ADGRF5: variants seen among roughly 807,000 people sequenced by gnomAD.
ADGRF5 encodes the protein adhesion G protein-coupled receptor F5.
Under a neutral mutation model 132.3 loss-of-function variants are expected in ADGRF5, and 75 were observed. The observed-to-expected ratio is 0.57, with a 90% CI of 0.47 to 0.69. The LOEUF (loss-of-function observed/expected upper bound fraction) is 0.69, where lower values mean the gene tolerates loss of function less well. ADGRF5 is among the 30% of genes least tolerant of loss of function. ADGRF5 has a pLI of 0.00. For missense variants in ADGRF5, 1,516 were observed against 1,630.6 expected, an observed-to-expected ratio of 0.93 and a Z score of 1.21; for synonymous variants, 629 against 597.6, an observed-to-expected ratio of 1.05 and a Z score of -0.77.
intron 13 of ADGRF5, 89 bp from the exon 14 acceptor site, chr6:46,865,286 G>T: frequency 1.1e-6 from 1 of 887,074 alleles, no homozygotes; most frequent in Non-Finnish European, 1.8e-6. Context: ...GAATAAACCT[G>T]TCCAAGCTTT....
At position 46,896,549 on chromosome 6, in the gene ADGRF5, T is replaced by C. The variant is rs76861291; in HGVS notation, c.157+3480A>G. Reference sequence around the variant, plus strand: ...CTTTGTTTAAATTTCTTTAAAAAACTATTAAAAGAAAAATAAACACCAGAT... The same window carrying C: ...CTTTGTTTAAATTTCTTTAAAAAACCATTAAAAGAAAAATAAACACCAGAT... On this transcript the variant is annotated intron_variant, in intron 3 of 20. Transcript: ENST00000283296. 4.5e-3 allele frequency among the ~76,000 whole-genome samples: 688 copies of C among 152,228 alleles called. 9 individuals carry two copies. Among genetic ancestry groups the C allele is most frequent in the African/African-American group, 0.016 (661 of 41,540 alleles).
At chr6:46,866,165 A>T (rs569606730) in intron 13 of ADGRF5, among the ~76,000 whole-genome samples, 4 of 152,160 alleles carry the variant, frequency 2.6e-5, no homozygotes, top group African/African-American at 9.6e-5. Context: ...TTAGGTTGGC[A>T]CTCCTGAACC....
At chr6:46,856,800 T>A in intron 18 of ADGRF5, 23 bp from the exon 19 acceptor site, 1 of 1,598,492 alleles carries the variant, frequency 6.3e-7, no homozygotes, top group Non-Finnish European at 8.6e-7. Flanking sequence ...AAAGAAGCTA[T>A]CGTAACTTCA....
At chr6:46,875,036 A>G (rs906229868) in intron 10 of ADGRF5, among the ~76,000 whole-genome samples, 5 of 152,250 alleles carry the variant, frequency 3.3e-5, no homozygotes, top group African/African-American at 1.2e-4. Context: ...TTAGACAGCC[A>G]TGCAAGATTC....
At chr6:46,865,220 A>G (rs1429449708) in intron 13 of ADGRF5, 23 bp from the exon 14 acceptor site, 1 of 1,577,342 alleles carries the variant, frequency 6.3e-7, no homozygotes, top group East Asian at 2.2e-5. Context: ...TTATTGAAAG[A>G]ATTAAGTCAC....
intron 1 of ADGRF5, among the ~76,000 whole-genome samples, chr6:46,927,741 C>A (rs1276142700): frequency 6.6e-6 from 1 of 152,124 alleles, no homozygotes; most frequent in Non-Finnish European, 1.5e-5. Context: ...CCATCCACAA[C>A]CCCCAAGTCC....
At chr6:46,929,498 T>TA (rs1554128364) in intron 1 of ADGRF5, among the ~76,000 whole-genome samples, 10 of 135,196 alleles carry the variant, frequency 7.4e-5, no homozygotes, top group East Asian at 2.1e-4. Context: ...ATAATAATAA[T>TA]AAAATAAAAA....
intron 1 of ADGRF5, among the ~76,000 whole-genome samples, chr6:46,948,470 T>TAGTG (rs1185367474): frequency 7.8e-6 from 1 of 127,680 alleles, no homozygotes; most frequent in Non-Finnish European, 1.6e-5. Context: ...ATACTTGCTC[T>TAGTG]AGTGAGTGTG....
At chr6:46,924,668 T>C (rs577013965), upstream of ADGRF5, among the ~76,000 whole-genome samples, 2 of 152,264 alleles carry the variant, frequency 1.3e-5, no homozygotes, top group East Asian at 3.9e-4. Context: ...AGTTGTTCAA[T>C]AGGCCCTCAA....
chr6:46,854,771 C>G (rs942463853), intron 20 of ADGRF5: 1 of 1,286,810 alleles, frequency 7.8e-7, no homozygotes, highest in African/African-American at 1.5e-5. Context: ...CTGGGGGGAT[C>G]TTAGGGGCTG....
chr6:46,869,845 A>G (rs1362506534), intron 11 of ADGRF5, among the ~76,000 whole-genome samples: 1 of 152,202 alleles, frequency 6.6e-6, no homozygotes, highest in Non-Finnish European at 1.5e-5. Flanking sequence ...ATATAACTAC[A>G]GCAATATAAG....
intron 1 of ADGRF5, among the ~76,000 whole-genome samples, chr6:46,945,865 T>C (rs1778284814): frequency 6.6e-6 from 1 of 152,192 alleles, no homozygotes; most frequent in Non-Finnish European, 1.5e-5. Context: ...ATGTCTTACA[T>C]GGTGGCAGTA....
At chr6:46,928,042 C>T (rs1777343682) in intron 1 of ADGRF5, among the ~76,000 whole-genome samples, 1 of 152,150 alleles carries the variant, frequency 6.6e-6, no homozygotes, top group Admixed American at 6.5e-5. Flanking sequence ...CAGGGAAATA[C>T]TGAAAAGTGG....
chr6:46,898,655 G>A (rs1774424058), intron 3 of ADGRF5, among the ~76,000 whole-genome samples: 1 of 152,182 alleles, frequency 6.6e-6, no homozygotes, highest in African/African-American at 2.4e-5. Flanking sequence ...CTCATTTCAA[G>A]CGCTGGACAA....
chr6:46,941,426 G>GAAAAGAAAAGAAAAGAAAAGAAAAGAA (rs1778064167), intron 1 of ADGRF5, among the ~76,000 whole-genome samples: 3 of 43,180 alleles, frequency 6.9e-5, no homozygotes, highest in African/African-American at 1.8e-4. Context: ...GAAAAGAAAA[G>GAAAAGAAAAGAAAAGAAAAGAAAAGAA]AAAAGAAAAG....
intron 20 of ADGRF5, among the ~76,000 whole-genome samples, chr6:46,855,219 C>T (rs1176271791): frequency 6.6e-6 from 1 of 152,096 alleles, no homozygotes; most frequent in Non-Finnish European, 1.5e-5. Flanking sequence ...TGGCCTTTGC[C>T]AGTTGAATCA....
chr6:46,926,775 C>T (rs1777270931), upstream of ADGRF5, among the ~76,000 whole-genome samples: 2 of 152,156 alleles, frequency 1.3e-5, no homozygotes, highest in Non-Finnish European at 2.9e-5. Context: ...CCCCTCCAAC[C>T]CAGTCCCATG....
At chr6:46,889,003 T>C (rs1773344472) in intron 3 of ADGRF5, among the ~76,000 whole-genome samples, 1 of 152,032 alleles carries the variant, frequency 6.6e-6, no homozygotes, top group East Asian at 1.9e-4. Flanking sequence ...ACTGCTTTTG[T>C]TGAGGTGCTC....
intron 1 of ADGRF5, among the ~76,000 whole-genome samples, chr6:46,919,067 G>T (rs140651907): frequency 0.02 from 3,106 of 152,292 alleles, 57 homozygotes; most frequent in Middle Eastern, 0.044. Context: ...CTAGGGTGAC[G>T]CCGATGGACA....
Sources: gnomAD v4.1 joint callset for allele counts (sites outside exome capture counted in the v4.1 genomes callset) on GRCh38, gnomAD v4.1.1 for gene constraint, MANE v1.5 for transcripts, NCBI Gene and HGNC (gene_info 2026-07-23, HGNC 2026-07-21) for gene names.